Variants in ATP13A4 observed in about 807,000 individuals in gnomAD.
ATP13A4 encodes ATPase 13A4, also known as probable cation-transporting ATPase 13A4.
A neutral mutation model predicts 142.5 loss-of-function variants in ATP13A4; 114 were observed. The observed-to-expected ratio is 0.80, with a 90% CI of 0.69 to 0.93. The LOEUF (loss-of-function observed/expected upper bound fraction) is 0.93. ATP13A4 is among the 40% of genes least tolerant of loss of function. The probability of loss-of-function intolerance (pLI) is 0.00; values close to 1 mark genes in which losing one functional copy is unlikely to be tolerated. For synonymous variants in ATP13A4, 488 were observed against 514.8 expected, an observed-to-expected ratio of 0.95 and a Z score of 0.70; for missense variants, 1,392 against 1,454.0, an observed-to-expected ratio of 0.96 and a Z score of 0.69.
intron 12 of ATP13A4, 45 bp downstream of exon 12, chr3:193,464,895 G>C (rs1452392041): frequency 1.9e-6 from 3 of 1,587,038 alleles, no homozygotes; most frequent in Non-Finnish European, 2.6e-6. Context: ...CATGATGACA[G>C]CAATGGTAAA....
intron 1 of ATP13A4, among the ~76,000 whole-genome samples, chr3:193,536,277 C>T: frequency 6.6e-6 from 1 of 151,972 alleles, no homozygotes; most frequent in Non-Finnish European, 1.5e-5. Context: ...CATATTAAAA[C>T]ACTTATAAGC....
intron 1 of ATP13A4, among the ~76,000 whole-genome samples, chr3:193,535,099 C>CCT (rs565384187): frequency 6.8e-4 from 104 of 152,160 alleles, no homozygotes; most frequent in South Asian, 4.1e-3. Context: ...GACCTCAACA[C>CCT]CTCTCTCTCA....
rs143733523 is a variant in ATP13A4 at position 193,543,223 on chromosome 3, A to G, written c.60+11517T>C. Among the ~76,000 whole-genome samples, 470 of 152,214 alleles carry G rather than the reference A, an allele frequency of 3.1e-3. 1 individual carries two copies. The highest frequency in any genetic ancestry group is 0.01 in the African/African-American group (433 of 41,560). ...GCAATACCATTAAAAACATAGGCAC[A>G]GGCAAAGATTTCATGACAAAAACTT... On this transcript the variant is annotated intron_variant, in intron 1 of 29. Coordinates refer to ENST00000342695, the MANE Select transcript of ATP13A4 (RefSeq NM_032279.4).
At chr3:193,560,976 A>G (rs552991023) in intron 2 of ATP13A4, among the ~76,000 whole-genome samples, 1 of 152,328 alleles carries the variant, frequency 6.6e-6, no homozygotes, top group South Asian at 2.1e-4. Flanking sequence ...TCTGTCCTCT[A>G]GTGGCTAAGC....
At chr3:193,439,428 C>T (rs1716494941) in intron 21 of ATP13A4, among the ~76,000 whole-genome samples, 1 of 152,148 alleles carries the variant, frequency 6.6e-6, no homozygotes, top group Admixed American at 6.5e-5. Context: ...TTAACATTTT[C>T]ACTATTATTA....
intron 1 of ATP13A4, among the ~76,000 whole-genome samples, chr3:193,548,894 C>T (rs921200666): frequency 1.3e-5 from 2 of 152,120 alleles, no homozygotes; most frequent in Admixed American, 6.6e-5. Flanking sequence ...TTTTAGTTAC[C>T]CACTACTGGT....
chr3:193,456,895 T>G, intron 16 of ATP13A4, 105 bp downstream of exon 16: 1 of 1,367,322 alleles, frequency 7.3e-7, no homozygotes, highest in Non-Finnish European at 1.0e-6. Context: ...AGCCACCCAA[T>G]TGGTGATGAC....
At chr3:193,427,003 T>C (rs1715702705) in intron 25 of ATP13A4, among the ~76,000 whole-genome samples, 1 of 152,012 alleles carries the variant, frequency 6.6e-6, no homozygotes, top group Non-Finnish European at 1.5e-5. Context: ...TAGGACTCCA[T>C]TAAAATAAAA....
At chr3:193,571,788 C>T (rs7638192) in intron 2 of ATP13A4, among the ~76,000 whole-genome samples, 47,719 of 151,754 alleles carry the variant, frequency 0.31, 7,729 homozygotes, top group African/African-American at 0.37. Context: ...GGAGACATAA[C>T]GCATCAATCT....
At position 193,490,397 on chromosome 3, in the gene ATP13A4, A is replaced by G. The variant is rs114757950; in HGVS notation, c.604-533T>C. Among the ~76,000 whole-genome samples, 510 of 152,288 alleles carry G rather than the reference A, an allele frequency of 3.3e-3. 6 individuals are homozygous for G. Among genetic ancestry groups the G allele is most frequent in the Middle Eastern group, 0.02 (6 of 294 alleles). ...AATACTTTCTAGTCTCTTCTTCTCTATGATATAACACCTGCCATATTTGAA... is the reference window on the plus strand; with the variant it reads ...AATACTTTCTAGTCTCTTCTTCTCTGTGATATAACACCTGCCATATTTGAA... On this transcript the variant is annotated intron_variant, in intron 6 of 29. Coordinates refer to ENST00000342695, the MANE Select transcript of ATP13A4 (RefSeq NM_032279.4).
chr3:193,457,972 G>C (rs1717734113), intron 14 of ATP13A4, among the ~76,000 whole-genome samples: 1 of 152,126 alleles, frequency 6.6e-6, no homozygotes, highest in African/African-American at 2.4e-5. Context: ...ATAGTCAAAG[G>C]GACCTTTTAC....
At chr3:193,549,982 G>A (rs569634131) in intron 1 of ATP13A4, among the ~76,000 whole-genome samples, 10 of 152,242 alleles carry the variant, frequency 6.6e-5, no homozygotes, top group South Asian at 2.1e-4. Flanking sequence ...AACATGTAGC[G>A]GGGAAAAGGG....
intron 2 of ATP13A4, among the ~76,000 whole-genome samples, chr3:193,578,624 G>A (rs1190745065): frequency 6.6e-6 from 1 of 152,094 alleles, no homozygotes; most frequent in Non-Finnish European, 1.5e-5. Context: ...ACTGAGTAAG[G>A]GAGATTTGCC....
chr3:193,441,030 T>TAG (rs1716607545), intron 20 of ATP13A4, among the ~76,000 whole-genome samples: 1 of 151,950 alleles, frequency 6.6e-6, no homozygotes, highest in Admixed American at 6.6e-5. Flanking sequence ...TATATATATA[T>TAG]CTAAAACTTA....
At chr3:193,497,122 G>C (rs997502049) in intron 3 of ATP13A4, among the ~76,000 whole-genome samples, 1 of 152,104 alleles carries the variant, frequency 6.6e-6, no homozygotes, top group African/African-American at 2.4e-5. Flanking sequence ...AACTAACCAA[G>C]TGAAAAGACA....
chr3:193,536,334 A>G (rs1722591027), intron 1 of ATP13A4, among the ~76,000 whole-genome samples: 1 of 152,006 alleles, frequency 6.6e-6, no homozygotes, highest in African/African-American at 2.4e-5. Flanking sequence ...GACTTCAGCC[A>G]CACACACACA....
At chr3:193,500,107 T>G (rs1163722440) in intron 3 of ATP13A4, among the ~76,000 whole-genome samples, 1 of 152,150 alleles carries the variant, frequency 6.6e-6, no homozygotes, top group Non-Finnish European at 1.5e-5. Context: ...GGATGTTAAG[T>G]ACAATATTTG....
intron 1 of ATP13A4, among the ~76,000 whole-genome samples, chr3:193,515,489 T>C (rs1296676655): frequency 1.3e-5 from 2 of 152,060 alleles, no homozygotes; most frequent in African/African-American, 2.4e-5. Flanking sequence ...CCCTTGGGAG[T>C]TTGGGGTAGA....
At chr3:193,487,991 C>T (rs556761646) in intron 7 of ATP13A4, among the ~76,000 whole-genome samples, 41 of 152,216 alleles carry the variant, frequency 2.7e-4, no homozygotes, top group African/African-American at 8.9e-4. Context: ...AGGCTGGGCA[C>T]GGTGGCTCAC....
Sources: gnomAD v4.1 joint callset for allele counts (sites outside exome capture counted in the v4.1 genomes callset) on GRCh38, gnomAD v4.1.1 for gene constraint, MANE v1.5 for transcripts, NCBI Gene and HGNC (gene_info 2026-07-23, HGNC 2026-07-21) for gene names.